The following HHAT variants were observed in gnomAD, a reference collection of about 807,000 sequenced individuals.
HHAT encodes hedgehog acyltransferase.
A neutral mutation model predicts 70.8 loss-of-function variants in HHAT; 47 were observed. The observed-to-expected ratio is 0.66, with a 90% CI of 0.53 to 0.85. The LOEUF (loss-of-function observed/expected upper bound fraction) is 0.85, where lower values mean the gene tolerates loss of function less well. HHAT is among the 40% of genes least tolerant of loss of function. The pLI, the probability that HHAT is intolerant of heterozygous loss-of-function variation, is 0.00. For missense variants in HHAT, 609 were observed against 604.8 expected (o/e 1.01, Z -0.07); for synonymous variants, 228 against 247.6 (o/e 0.92, Z 0.74).
At chr1:210,664,752 G>A (rs1678527375) in intron 11 of HHAT, among the ~76,000 whole-genome samples, 1 of 152,226 alleles carries the variant, frequency 6.6e-6, no homozygotes, top group Non-Finnish European at 1.5e-5. Flanking sequence ...AGAACCACAT[G>A]TGACCCCTCT....
At chr1:210,388,400 C>T (rs77151499) in intron 4 of HHAT, among the ~76,000 whole-genome samples, 61 of 152,268 alleles carry the variant, frequency 4.0e-4, no homozygotes, top group African/African-American at 1.4e-3. Context: ...AAGTGAGATG[C>T]AGAAATAGGA....
At chr1:210,405,144 G>A (rs1178435499) in intron 6 of HHAT, among the ~76,000 whole-genome samples, 6 of 152,168 alleles carry the variant, frequency 3.9e-5, no homozygotes, top group Non-Finnish European at 7.4e-5. Flanking sequence ...AGCTGTTCAG[G>A]GTGACCTAGG....
chr1:210,345,928 G>A (rs933981903), intron 1 of HHAT, among the ~76,000 whole-genome samples: 5 of 138,770 alleles, frequency 3.6e-5, no homozygotes, highest in East Asian at 1.9e-4. Context: ...GCCTGGCATT[G>A]TGGTGCATGC....
intron 1 of HHAT, among the ~76,000 whole-genome samples, chr1:210,344,680 C>G (rs2086352179): frequency 6.6e-6 from 1 of 152,078 alleles, no homozygotes; most frequent in African/African-American, 2.4e-5. Context: ...TTTGGGGAGC[C>G]TTTGGGGCCA....
chr1:210,583,700 T>C (rs1209644020), intron 9 of HHAT, among the ~76,000 whole-genome samples: 6 of 152,168 alleles, frequency 3.9e-5, no homozygotes, highest in Admixed American at 3.3e-4. Flanking sequence ...AGACCTGCCA[T>C]ATATGAATTT....
intron 9 of HHAT, among the ~76,000 whole-genome samples, chr1:210,545,956 G>A (rs968180027): frequency 1.3e-5 from 2 of 152,192 alleles, no homozygotes; most frequent in African/African-American, 4.8e-5. Context: ...ACAACACCTG[G>A]CACTTAATAG....
In HHAT at chr1:210,518,532, C is replaced by T. The variant is rs142524083; in HGVS notation, c.1043+5344C>T. 6.7e-3 allele frequency among the ~76,000 whole-genome samples: 1,020 copies of T among 152,240 alleles called. 7 individuals are homozygous for T. Among genetic ancestry groups the T allele is most frequent in the African/African-American group, 0.023 (971 of 41,530 alleles). On this transcript the variant is annotated intron_variant, in intron 9 of 11. Transcript: ENST00000261458. The stretch of plus-strand genomic sequence containing the variant: ...TTGGCCCCAGGCACGGTGGCTCGCA[C>T]CTGTAATCCCAGCACTTTGGGAGGC...
chr1:210,655,596 C>T (rs369712195), intron 11 of HHAT, among the ~76,000 whole-genome samples: 40 of 152,274 alleles, frequency 2.6e-4, no homozygotes, highest in African/African-American at 8.2e-4. Flanking sequence ...GCAGACCTGC[C>T]GTTGATTGTG....
chr1:210,607,311 G>T (rs1354257604), intron 10 of HHAT, among the ~76,000 whole-genome samples: 2 of 152,084 alleles, frequency 1.3e-5, no homozygotes, highest in African/African-American at 4.8e-5. Flanking sequence ...ATCTGTGAAT[G>T]TGTATCCTTT....
intron 8 of HHAT, among the ~76,000 whole-genome samples, chr1:210,470,109 T>C (rs2094177216): frequency 6.6e-6 from 1 of 152,196 alleles, no homozygotes; most frequent in Non-Finnish European, 1.5e-5. Flanking sequence ...CCTCCCAAAG[T>C]GCTGGGATTA....
At chr1:210,355,861 G>A (rs2087555953) in intron 2 of HHAT, among the ~76,000 whole-genome samples, 1 of 152,082 alleles carries the variant, frequency 6.6e-6, no homozygotes. Flanking sequence ...GTACCTTTCA[G>A]GGTTATTGGT....
chr1:210,607,575 T>A (rs767276241), intron 10 of HHAT, among the ~76,000 whole-genome samples: 7 of 152,150 alleles, frequency 4.6e-5, no homozygotes, highest in Non-Finnish European at 8.8e-5. Context: ...AAGTGTAGCC[T>A]GGAGAGGGAG....
intron 10 of HHAT, among the ~76,000 whole-genome samples, chr1:210,598,025 G>A (rs1472994250): frequency 2.0e-5 from 3 of 151,832 alleles, no homozygotes; most frequent in East Asian, 2.0e-4. Flanking sequence ...GGGCCTAAGG[G>A]CTCTTTTGTC....
intron 7 of HHAT, among the ~76,000 whole-genome samples, chr1:210,425,356 A>G (rs977402837): frequency 1.3e-5 from 2 of 152,012 alleles, no homozygotes; most frequent in African/African-American, 2.4e-5. Context: ...ATTAGATCCC[A>G]TTTGTCAATT....
intron 9 of HHAT, among the ~76,000 whole-genome samples, chr1:210,546,371 C>T (rs2095483685): frequency 6.6e-6 from 1 of 152,192 alleles, no homozygotes; most frequent in Non-Finnish European, 1.5e-5. Flanking sequence ...GAACGTGATC[C>T]AGGGGCTGGA....
intron 3 of HHAT, among the ~76,000 whole-genome samples, chr1:210,385,884 A>G (rs1290324355): frequency 6.6e-6 from 1 of 152,194 alleles, no homozygotes; most frequent in African/African-American, 2.4e-5. Context: ...GGTAAGTACT[A>G]TTGTCATATG....
intron 10 of HHAT, among the ~76,000 whole-genome samples, chr1:210,599,784 T>G (rs1292439994): frequency 6.6e-6 from 1 of 152,190 alleles, no homozygotes; most frequent in African/African-American, 2.4e-5. Context: ...CATAAAAACC[T>G]AACCATGTTG....
Position 210,674,384 on chromosome 1 carries a change from G to T in HHAT, c.*5G>T, listed in dbSNP as rs771614520. ...CAGACCTACGCCACGGACTAATGCT[G>T]TTGGGCCCAGGCCAGTCCTTGTTGC... is the stretch of plus-strand genomic sequence containing the variant. On this transcript the variant is annotated 3_prime_UTR_variant, in exon 12 of 12. Transcript: ENST00000261458. 1.2e-6 allele frequency: 2 copies of T among 1,612,194 alleles called. No individual in the cohort carries two copies. Among genetic ancestry groups the T allele is most frequent in the Non-Finnish European group, 8.5e-7 (1 of 1,178,288 alleles).
intron 8 of HHAT, among the ~76,000 whole-genome samples, chr1:210,501,718 T>G (rs1233743593): frequency 6.6e-6 from 1 of 152,152 alleles, no homozygotes; most frequent in Admixed American, 6.5e-5. Flanking sequence ...GAGAACTGAA[T>G]CAGAAGTCAG....
Sources: allele counts gnomAD v4.1 joint callset (sites outside exome capture counted in the v4.1 genomes callset), GRCh38; gene constraint gnomAD v4.1.1; transcripts MANE v1.5; gene names NCBI Gene and HGNC (gene_info 2026-07-23, HGNC 2026-07-21).